The following IGF1R variants were observed in gnomAD, a reference collection of about 807,000 sequenced individuals.
IGF1R encodes insulin-like growth factor 1 receptor.
IGF1R carries 44 observed loss-of-function variants against 144.6 expected under a neutral mutation model. That is an observed-to-expected ratio of 0.30 (90% confidence interval 0.24 to 0.39). The LOEUF is 0.39. Among genes scored for constraint, IGF1R ranks in the 10% least tolerant of loss-of-function variants. IGF1R has a pLI of 1.00. For missense variants in IGF1R, 1,355 were observed against 1,833.7 expected (o/e 0.74, Z 4.77); for synonymous variants, 795 against 722.8 (o/e 1.10, Z -1.60).
At chr15:98,899,880 T>C (rs569428039) in intron 5 of IGF1R, among the ~76,000 whole-genome samples, 19 of 152,322 alleles carry the variant, frequency 1.2e-4, no homozygotes, top group African/African-American at 4.6e-4. Context: ...CGTGTCTGAC[T>C]GTGACCAGTG....
At chr15:98,953,429 G>A (rs1419233191) in intron 20 of IGF1R, among the ~76,000 whole-genome samples, 3 of 152,148 alleles carry the variant, frequency 2.0e-5, no homozygotes, top group Non-Finnish European at 4.4e-5. Flanking sequence ...CCCGTCCTCA[G>A]CCTTATTTCA....
At chr15:98,741,235 CTTTTTTTTTTT>C (rs540942858) in intron 2 of IGF1R, among the ~76,000 whole-genome samples, 3 of 70,328 alleles carry the variant, frequency 4.3e-5, no homozygotes, top group East Asian at 4.4e-4. Flanking sequence ...TTTTCCTGAG[CTTTTTTTTTTT>C]TTTTTTTTTT....
intron 2 of IGF1R, among the ~76,000 whole-genome samples, chr15:98,838,222 T>C (rs987219945): frequency 1.3e-5 from 2 of 152,228 alleles, no homozygotes; most frequent in South Asian, 2.1e-4. Context: ...ATTATCTGTG[T>C]ATTTCAGTTA....
rs2017098034 is a variant in IGF1R, at chr15:98,958,410, T to TCCCCCGCCCGCC, written c.*972_*983dup. On this transcript the variant is annotated 3_prime_UTR_variant, in exon 21 of 21. Coordinates refer to ENST00000650285, the MANE Select transcript of IGF1R (RefSeq NM_000875.5). ...TGCCTGCTTCTCTCCCAGCCCCAGC[T>TCCCCCGCCCGCC]CCCCCGCCCGCCCCCAAGGACACAG... is the stretch of plus-strand genomic sequence containing the variant. 1 of 170,130 alleles carries TCCCCCGCCCGCC rather than the reference T, an allele frequency of 5.9e-6. No individual in the cohort carries two copies. 10.5% of individuals were successfully genotyped at this position (170,130 alleles called of 1,614,324 possible). A position where few individuals can be genotyped will look rare whatever the true frequency, so the allele number is the denominator to read the frequency against.
intron 2 of IGF1R, among the ~76,000 whole-genome samples, chr15:98,717,991 G>A (rs968318269): frequency 1.3e-5 from 2 of 152,234 alleles, no homozygotes; most frequent in East Asian, 1.9e-4. Context: ...GTGTATGTGC[G>A]TACCACTTTA....
chr15:98,754,955 T>C (rs61470490), intron 2 of IGF1R, among the ~76,000 whole-genome samples: 1,781 of 152,292 alleles, frequency 0.012, 31 homozygotes, highest in African/African-American at 0.04. Flanking sequence ...TTTCTAAATA[T>C]TGTGTGCCTA....
rs183608152 is a variant in IGF1R at position 98,827,549 on chromosome 15, C to T, written c.641-63776C>T. Among the ~76,000 whole-genome samples the T allele has an allele frequency of 2.3e-3, 350 of 152,218 alleles. 5 individuals carry two copies. In the Middle Eastern group the frequency reaches 0.024, roughly 10 times the overall value. On this transcript the variant is annotated intron_variant, in intron 2 of 20. Transcript: ENST00000650285. Reference sequence around the variant, plus strand: ...TGAATTGGTTTAAAAGGCCATTTACCACTTCTTTTGTAATTGGCCTTTTAA... The same window carrying T: ...TGAATTGGTTTAAAAGGCCATTTACTACTTCTTTTGTAATTGGCCTTTTAA...
chr15:98,964,292 T>TA lies in IGF1R; in HGVS notation c.*6856dup, dbSNP rs373035124. ...TGACTTTCTGTGTATAAATTATTCC[T>TA]AAAAAATCCTGTTTATATAAAAAAT... On this transcript the variant is annotated 3_prime_UTR_variant, in exon 21 of 21. Transcript: ENST00000650285. 76 of 232,318 alleles carry TA rather than the reference T, an allele frequency of 3.3e-4. No homozygotes were observed. Among genetic ancestry groups the TA allele is most frequent in the African/African-American group, 1.1e-3 (50 of 45,400 alleles). The allele number at this position is 232,318 out of a possible 1,614,324, so 14.4% of individuals were successfully genotyped here. A position where few individuals can be genotyped will look rare whatever the true frequency, so the allele number is the denominator to read the frequency against.
intron 20 of IGF1R, among the ~76,000 whole-genome samples, chr15:98,949,695 T>C (rs182737660): frequency 1.3e-5 from 2 of 152,206 alleles, no homozygotes; most frequent in Non-Finnish European, 2.9e-5. Context: ...GAAAAAACAC[T>C]TTGCAGCTTT....
Position 98,780,957 on chromosome 15 carries a change from C to G in IGF1R, c.640+72850C>G, listed in dbSNP as rs991943135. 3.1e-4 allele frequency among the ~76,000 whole-genome samples: 47 copies of G among 152,094 alleles called. No homozygotes were observed. In the East Asian group the frequency reaches 7.3e-3, roughly 24 times the overall value. The stretch of plus-strand genomic sequence containing the variant: ...ATGGCAAGCTTTGTCTCTTAAAAAA[C>G]AAAACAAAACAAAATTTAGCCGGGA... On this transcript the variant is annotated intron_variant, in intron 2 of 20. Coordinates refer to ENST00000650285, the MANE Select transcript of IGF1R (RefSeq NM_000875.5).
rs2053805482 is a variant in IGF1R at position 98,704,192 on chromosome 15, G to T, written c.95-3370G>T. Among the ~76,000 whole-genome samples the T allele has an allele frequency of 6.6e-6, 1 of 152,066 alleles. No homozygotes were observed. Among genetic ancestry groups the T allele is most frequent in the African/African-American group, 2.4e-5 (1 of 41,380 alleles). ...TATACAAACTTTGTTTCATGCACAAGATTATTAAAAATATATAAAATGACT... is the reference window on the plus strand; with the variant it reads ...TATACAAACTTTGTTTCATGCACAATATTATTAAAAATATATAAAATGACT... On this transcript the variant is annotated intron_variant, in intron 1 of 20. Coordinates refer to ENST00000650285, the MANE Select transcript of IGF1R (RefSeq NM_000875.5). The surrounding 1 kb of genome is among the most constrained non-coding windows in gnomAD (Gnocchi z 4.9).
chr15:98,671,936 C>T (rs898907356), intron 1 of IGF1R, among the ~76,000 whole-genome samples: 4 of 152,102 alleles, frequency 2.6e-5, no homozygotes, highest in Non-Finnish European at 2.9e-5. Context: ...AGTATGAAGG[C>T]GATAAGTCGA....
At chr15:98,924,134 G>C in intron 12 of IGF1R, 122 bp downstream of exon 12, 2 of 1,024,650 alleles carry the variant, frequency 2.0e-6, no homozygotes, top group Non-Finnish European at 3.1e-6. Context: ...TCCATGCCAA[G>C]TTGGTGAGGA....
In IGF1R at chr15:98,958,076, C is replaced by CGTGTCCG. The variant is rs2151740092; in HGVS notation, c.*636_*642dup. On this transcript the variant is annotated 3_prime_UTR_variant, in exon 21 of 21. Transcript: ENST00000650285. ...CCTCATCGGCCCGGCGCTGATTCCT[C>CGTGTCCG]GTGTCCGGAGGCATGGGTGAGCATG... 4.3e-6 allele frequency: 1 copy of CGTGTCCG among 234,126 alleles called. No homozygotes were observed. Among genetic ancestry groups the CGTGTCCG allele is most frequent in the South Asian group, 1.8e-4 (1 of 5,552 alleles). 14.5% of individuals were successfully genotyped at this position (234,126 alleles called of 1,614,324 possible).
chr15:98,771,130 A>AG (rs1223267347), intron 2 of IGF1R, among the ~76,000 whole-genome samples: 1 of 152,148 alleles, frequency 6.6e-6, no homozygotes, highest in Non-Finnish European at 1.5e-5. Context: ...GTCTTCACGG[A>AG]GGGGGAGTCA....
At chr15:98,796,887 T>C (rs1339426298) in intron 2 of IGF1R, among the ~76,000 whole-genome samples, 1 of 152,204 alleles carries the variant, frequency 6.6e-6, no homozygotes, top group Non-Finnish European at 1.5e-5. Context: ...TCACACTGGA[T>C]GTGTTCGAAG....
At chr15:98,778,357 C>A (rs886608127) in intron 2 of IGF1R, among the ~76,000 whole-genome samples, 3 of 152,196 alleles carry the variant, frequency 2.0e-5, no homozygotes, top group Non-Finnish European at 4.4e-5. Flanking sequence ...TTCGTTCTCA[C>A]AATCCTTGAC....
chr15:98,790,003 C>T (rs1383748492), intron 2 of IGF1R, among the ~76,000 whole-genome samples: 1 of 152,166 alleles, frequency 6.6e-6, no homozygotes, highest in East Asian at 1.9e-4. Context: ...TGTTCAGTTT[C>T]TATGTAGTTT....
At chr15:98,918,344 A>G (rs958775544) in intron 10 of IGF1R, among the ~76,000 whole-genome samples, 3 of 152,082 alleles carry the variant, frequency 2.0e-5, no homozygotes, top group Admixed American at 2.0e-4. Context: ...TTTATTCCAC[A>G]GTGACTCTGC....
Sources: allele counts gnomAD v4.1 joint callset (sites outside exome capture counted in the v4.1 genomes callset), GRCh38; gene constraint gnomAD v4.1.1; non-coding constraint Gnocchi (gnomAD v3.1); transcripts MANE v1.5; gene names NCBI Gene and HGNC (gene_info 2026-07-23, HGNC 2026-07-21).